Variants in STK10 observed in about 807,000 individuals in gnomAD.
The protein encoded by STK10 is serine/threonine-protein kinase 10.
Under a neutral mutation model 113.8 loss-of-function variants are expected in STK10, and 78 were observed. That is an observed-to-expected ratio of 0.69 (90% confidence interval 0.57 to 0.83). The LOEUF (loss-of-function observed/expected upper bound fraction) is 0.83. Among genes scored for constraint, STK10 ranks in the 40% least tolerant of loss-of-function variants. The probability of loss-of-function intolerance (pLI) is 0.00; values close to 1 mark genes in which losing one functional copy is unlikely to be tolerated. For missense variants in STK10, 1,109 were observed against 1,280.1 expected, an observed-to-expected ratio of 0.87 and a Z score of 2.04; for synonymous variants, 465 against 494.7, an observed-to-expected ratio of 0.94 and a Z score of 0.80.
At chr5:172,068,255 G>A (rs1433684570) in intron 12 of STK10, among the ~76,000 whole-genome samples, 1 of 151,978 alleles carries the variant, frequency 6.6e-6, no homozygotes, top group Non-Finnish European at 1.5e-5. Context: ...GCAGAGAACT[G>A]CTTGAACCCG....
chr5:172,091,864 C>T lies in STK10; in HGVS notation c.1555-1502G>A, dbSNP rs116837396. 9.4e-3 allele frequency among the ~76,000 whole-genome samples: 1,438 copies of T among 152,304 alleles called. 25 individuals carry two copies. Among genetic ancestry groups the T allele is most frequent in the African/African-American group, 0.033 (1,356 of 41,572 alleles). On this transcript the variant is annotated intron_variant, in intron 9 of 18. Coordinates refer to ENST00000176763, the MANE Select transcript of STK10 (RefSeq NM_005990.4). ...TCTTTTTGGTGTAGCCCAGCCCTGC[C>T]TTCCTAACACGGGGCCTCCCAGCCC...
chr5:172,121,792 C>G (rs1398070681), intron 3 of STK10, among the ~76,000 whole-genome samples: 1 of 152,028 alleles, frequency 6.6e-6, no homozygotes, highest in Admixed American at 6.6e-5. Context: ...ATCTTGGACT[C>G]CTAGCTGCAA....
In STK10 at chr5:172,067,371, GAATAAATAAATAAATA is replaced by G. The variant is rs59853296; in HGVS notation, c.1990-2575_1990-2560del. On this transcript the variant is annotated intron_variant, in intron 12 of 18. Coordinates refer to ENST00000176763, the MANE Select transcript of STK10 (RefSeq NM_005990.4). ...GACCCTGTCTCTAAATAAATAAATA[GAATAAATAAATAAATA>G]AATAAATAAATAAATAAATAAATAG... Among the ~76,000 whole-genome samples, 305 of 147,152 alleles carry G rather than the reference GAATAAATAAATAAATA, an allele frequency of 2.1e-3. 1 individual carries two copies. Among genetic ancestry groups the G allele is most frequent in the African/African-American group, 6.7e-3 (271 of 40,274 alleles).
chr5:172,087,434 C>T (rs1021573140), intron 10 of STK10, among the ~76,000 whole-genome samples: 1 of 151,170 alleles, frequency 6.6e-6, no homozygotes, highest in Admixed American at 6.6e-5. Context: ...GCCACCACAG[C>T]TGGCTAATTT....
Position 172,096,502 on chromosome 5 carries a change from G to A in STK10, c.929C>T (p.Ala310Val). The A allele has an allele frequency of 6.2e-7, 1 of 1,613,708 alleles. No individual in the cohort carries two copies. The highest frequency in any genetic ancestry group is 1.1e-5 in the South Asian group (1 of 91,084). Reference protein sequence around the residue: ...NKALRELVAEAKAEVMEEIED... With the variant: ...NKALRELVAEVKAEVMEEIED... Reference sequence around the variant, plus strand: ...GATCTCTTCCATCACCTCGGCCTTGGCCTCAGCCACCAGCTCCCGCAGAGC... The same window carrying A: ...GATCTCTTCCATCACCTCGGCCTTGACCTCAGCCACCAGCTCCCGCAGAGC... Residue 310 changes from alanine (A) to valine (V), a missense_variant, in exon 8 of 19, where the codon GCC becomes GTC. Coordinates refer to ENST00000176763, the MANE Select transcript of STK10 (RefSeq NM_005990.4).
At chr5:172,149,292 C>T (rs1770154657) in intron 2 of STK10, among the ~76,000 whole-genome samples, 1 of 152,232 alleles carries the variant, frequency 6.6e-6, no homozygotes, top group Non-Finnish European at 1.5e-5. Flanking sequence ...CATCATGTTG[C>T]TGCCTCCTTC....
At chr5:172,179,128 C>G (rs1770808639) in intron 1 of STK10, among the ~76,000 whole-genome samples, 1 of 152,216 alleles carries the variant, frequency 6.6e-6, no homozygotes, top group African/African-American at 2.4e-5. Context: ...CCAAGAGCAG[C>G]AATCATAACA....
chr5:172,107,424 AC>A (rs1391272982), intron 5 of STK10, among the ~76,000 whole-genome samples: 1 of 152,196 alleles, frequency 6.6e-6, no homozygotes, highest in African/African-American at 2.4e-5. Context: ...TGTACTGTTC[AC>A]CTTCACGGTC....
At chr5:172,097,995 A>G (rs543287091) in intron 7 of STK10, among the ~76,000 whole-genome samples, 1 of 152,280 alleles carries the variant, frequency 6.6e-6, no homozygotes, top group Admixed American at 6.5e-5. Flanking sequence ...GCCACTGGGA[A>G]AGGAATGATG....
At chr5:172,180,324 G>C (rs576612765) in intron 1 of STK10, among the ~76,000 whole-genome samples, 152 of 151,194 alleles carry the variant, frequency 1.0e-3, no homozygotes, top group African/African-American at 3.3e-3. Flanking sequence ...AATTAGCTGG[G>C]CATGGTGGCG....
At chr5:172,167,540 ACTG>A (rs1000835472) in intron 1 of STK10, among the ~76,000 whole-genome samples, 1 of 152,206 alleles carries the variant, frequency 6.6e-6, no homozygotes, top group Non-Finnish European at 1.5e-5. Flanking sequence ...GCGAGGGCAG[ACTG>A]GGACTGGTGC....
chr5:172,146,326 A>C (rs1488643124), intron 2 of STK10, among the ~76,000 whole-genome samples: 1 of 152,192 alleles, frequency 6.6e-6, no homozygotes, highest in Non-Finnish European at 1.5e-5. Flanking sequence ...ATGCATGTGG[A>C]ATGCCAGACA....
intron 2 of STK10, among the ~76,000 whole-genome samples, chr5:172,137,537 A>T (rs1435041767): frequency 6.6e-6 from 1 of 152,056 alleles, no homozygotes; most frequent in African/African-American, 2.4e-5. Context: ...TACTCAACAA[A>T]CAAAATAGAA....
At chr5:172,108,011 G>C in intron 4 of STK10, 159 bp from the exon 5 acceptor site, 2 of 617,350 alleles carry the variant, frequency 3.2e-6, no homozygotes, top group Non-Finnish European at 5.7e-6. Flanking sequence ...CTGCTGCTGA[G>C]AGGAAGTACC....
intron 15 of STK10, chr5:172,057,021 G>GAA (rs769154550): frequency 6.2e-6 from 1 of 161,610 alleles, no homozygotes; most frequent in African/African-American, 2.7e-5. Context: ...AAGAAAGAAA[G>GAA]AAAGAAAGAA....
chr5:172,137,598 G>C (rs1187694150), intron 2 of STK10, among the ~76,000 whole-genome samples: 2 of 151,896 alleles, frequency 1.3e-5, no homozygotes, highest in East Asian at 3.9e-4. Context: ...GCCATATATT[G>C]GGCCAGGCGC....
chr5:172,056,610 G>A (rs1183939833), intron 15 of STK10, among the ~76,000 whole-genome samples: 3 of 152,146 alleles, frequency 2.0e-5, no homozygotes, highest in African/African-American at 4.8e-5. Flanking sequence ...GCTCACGCCT[G>A]TAATCCTGGC....
intron 7 of STK10, among the ~76,000 whole-genome samples, chr5:172,098,253 G>A (rs1768901417): frequency 6.6e-6 from 1 of 152,182 alleles, no homozygotes. Context: ...CATTTGGCCG[G>A]GCGCGGTGGC....
intron 2 of STK10, among the ~76,000 whole-genome samples, chr5:172,145,823 T>C (rs1004376566): frequency 2.6e-5 from 4 of 152,200 alleles, no homozygotes; most frequent in African/African-American, 7.2e-5. Flanking sequence ...GCTCAGAACC[T>C]GGTGTCCAGT....
Sources: gnomAD v4.1 joint callset for allele counts (sites outside exome capture counted in the v4.1 genomes callset) on GRCh38, gnomAD v4.1.1 for gene constraint, MANE v1.5 for transcripts, NCBI Gene and HGNC (gene_info 2026-07-23, HGNC 2026-07-21) for gene names.